SPAG16: variants seen among roughly 807,000 people sequenced by gnomAD.
SPAG16 encodes sperm-associated antigen 16 protein.
Under a neutral mutation model 80.4 loss-of-function variants are expected in SPAG16, and 86 were observed. That is an observed-to-expected ratio of 1.07 (90% CI 0.90 to 1.28). The LOEUF is 1.28. Ranked by LOEUF, SPAG16 falls within the 50% of genes most tolerant of loss-of-function variation. SPAG16 has a pLI of 0.00. For missense variants in SPAG16, 870 were observed against 765.3 expected, an observed-to-expected ratio of 1.14 and a Z score of -1.61; for synonymous variants, 294 against 265.9, an observed-to-expected ratio of 1.11 and a Z score of -1.03.
chr2:213,385,837 A>G (rs1163021235), intron 9 of SPAG16, among the ~76,000 whole-genome samples: 1 of 151,778 alleles, frequency 6.6e-6, no homozygotes, highest in Non-Finnish European at 1.5e-5. Context: ...CTTGTAACTC[A>G]GAATAAATTT....
chr2:213,629,952 A>AT (rs1419469061), intron 10 of SPAG16, among the ~76,000 whole-genome samples: 1 of 151,942 alleles, frequency 6.6e-6, no homozygotes, highest in African/African-American at 2.4e-5. Flanking sequence ...ATCTTCTTAT[A>AT]TTTTCCCTCC....
intron 15 of SPAG16, among the ~76,000 whole-genome samples, chr2:214,277,610 C>T (rs575762224): frequency 6.6e-6 from 1 of 152,322 alleles, no homozygotes; most frequent in Admixed American, 6.5e-5. Flanking sequence ...TGGGTATCAC[C>T]AGCGGAGGCT....
intron 13 of SPAG16, among the ~76,000 whole-genome samples, chr2:214,056,172 G>A (rs10490487): frequency 0.13 from 19,375 of 151,756 alleles, 1,534 homozygotes; most frequent in Admixed American, 0.18. Context: ...CTGAAATAAC[G>A]TGACAGTAAA....
At chr2:213,933,443 C>T (rs753430778) in intron 12 of SPAG16, among the ~76,000 whole-genome samples, 1 of 152,180 alleles carries the variant, frequency 6.6e-6, no homozygotes, top group Non-Finnish European at 1.5e-5. Context: ...CTAGTTGACT[C>T]CTGGCTGCTT....
At chr2:214,311,740 G>C (rs973932311) in intron 15 of SPAG16, 1 of 150,886 alleles carries the variant, frequency 6.6e-6, no homozygotes. Context: ...GAGGAGAAAT[G>C]GCATCCAACA....
rs1192582504 is a variant in SPAG16 at position 213,527,113 on chromosome 2, A to C, written c.1070+37023A>C. On this transcript the variant is annotated intron_variant, in intron 10 of 15. Transcript: ENST00000331683. ...CTGCCATGGATCAATGTCTTTAGAC[A>C]GTGAATCTTTTGCCTCCTGCCAAGG... Among the ~76,000 whole-genome samples the C allele has an allele frequency of 2.6e-5, 4 of 152,320 alleles. No individual in the cohort carries two copies. In the East Asian group the frequency reaches 7.7e-4, roughly 29 times the overall value.
At chr2:213,906,342 A>G (rs1209926737) in intron 11 of SPAG16, among the ~76,000 whole-genome samples, 1 of 152,224 alleles carries the variant, frequency 6.6e-6, no homozygotes, top group Non-Finnish European at 1.5e-5. Flanking sequence ...TAGAAACCTC[A>G]AAACACTGAT....
At chr2:213,631,445 G>C (rs114366120) in intron 10 of SPAG16, among the ~76,000 whole-genome samples, 9,019 of 152,084 alleles carry the variant, frequency 0.059, 867 homozygotes, top group African/African-American at 0.2. Flanking sequence ...GATATGGTTT[G>C]GCTCTGTGTC....
intron 14 of SPAG16, among the ~76,000 whole-genome samples, chr2:214,125,797 T>C (rs968554287): frequency 6.6e-6 from 1 of 151,676 alleles, no homozygotes; most frequent in Non-Finnish European, 1.5e-5. Context: ...ATAACAAATG[T>C]ATTTAATCAG....
At chr2:213,455,136 A>T (rs577386071) in intron 9 of SPAG16, among the ~76,000 whole-genome samples, 5 of 152,298 alleles carry the variant, frequency 3.3e-5, no homozygotes, top group Middle Eastern at 3.4e-3. Context: ...TTGACTTTTT[A>T]TTCATTTTCT....
chr2:213,584,810 A>G (rs1027588136), intron 10 of SPAG16, among the ~76,000 whole-genome samples: 1 of 152,108 alleles, frequency 6.6e-6, no homozygotes, highest in Non-Finnish European at 1.5e-5. Context: ...TAGGAAATAT[A>G]TTGTAATAGT....
intron 15 of SPAG16, among the ~76,000 whole-genome samples, chr2:214,187,719 A>C (rs1409143557): frequency 7.4e-6 from 1 of 135,090 alleles, no homozygotes; most frequent in Non-Finnish European, 1.7e-5. Flanking sequence ...CCGCCTAACC[A>C]AATCTTGGCT....
chr2:214,224,296 CACAA>C (rs1273159654), intron 15 of SPAG16, among the ~76,000 whole-genome samples: 3 of 152,258 alleles, frequency 2.0e-5, no homozygotes, highest in South Asian at 4.2e-4. Flanking sequence ...TAAAATGTTT[CACAA>C]ACAATGACTT....
intron 9 of SPAG16, among the ~76,000 whole-genome samples, chr2:213,468,403 C>A (rs1260894031): frequency 5.1e-5 from 7 of 138,344 alleles, no homozygotes; most frequent in East Asian, 2.1e-4. Context: ...ATATATATAT[C>A]TATGTATTTA....
chr2:214,391,305 G>A (rs1443808189), intron 15 of SPAG16, among the ~76,000 whole-genome samples: 1 of 152,094 alleles, frequency 6.6e-6, no homozygotes, highest in Non-Finnish European at 1.5e-5. Flanking sequence ...GAAAATGAAG[G>A]TCAAAGAAGG....
intron 4 of SPAG16, 32 bp from the exon 5 acceptor site, chr2:213,317,187 G>C: frequency 7.1e-7 from 1 of 1,409,084 alleles, no homozygotes; most frequent in Non-Finnish European, 9.7e-7. Context: ...AGAAAGAAAT[G>C]ATATAAACCC....
At chr2:213,871,714 A>T (rs2075952789) in intron 11 of SPAG16, among the ~76,000 whole-genome samples, 1 of 152,012 alleles carries the variant, frequency 6.6e-6, no homozygotes. Context: ...TGGGTGACTT[A>T]CTGGTTCAAA....
chr2:214,015,153 A>T (rs1483490462), intron 13 of SPAG16, among the ~76,000 whole-genome samples: 1 of 152,146 alleles, frequency 6.6e-6, no homozygotes. Context: ...GCCGCCTAAC[A>T]TCGGAAGGTG....
At chr2:214,270,543 A>T (rs1270088621) in intron 15 of SPAG16, among the ~76,000 whole-genome samples, 1 of 152,148 alleles carries the variant, frequency 6.6e-6, no homozygotes, top group Non-Finnish European at 1.5e-5. Flanking sequence ...AGCCTCTATG[A>T]TATGGCTCCT....
Sources: allele counts gnomAD v4.1 joint callset (sites outside exome capture counted in the v4.1 genomes callset), GRCh38; gene constraint gnomAD v4.1.1; transcripts MANE v1.5; gene names NCBI Gene and HGNC (gene_info 2026-07-23, HGNC 2026-07-21).